The following GALNT17 variants were observed in gnomAD, a reference collection of about 807,000 sequenced individuals.
The protein encoded by GALNT17 is polypeptide N-acetylgalactosaminyltransferase 17.
A neutral mutation model predicts 63.7 loss-of-function variants in GALNT17; 29 were observed. The ratio of observed to expected loss-of-function variants is 0.46; its 90% CI spans 0.34 to 0.62. The LOEUF (loss-of-function observed/expected upper bound fraction) is 0.62. Among genes scored for constraint, GALNT17 ranks in the 20% least tolerant of loss-of-function variants. The pLI is 0.01. For missense variants in GALNT17, 603 were observed against 799.6 expected, an observed-to-expected ratio of 0.75 and a Z score of 2.97; for synonymous variants, 305 against 318.3, an observed-to-expected ratio of 0.96 and a Z score of 0.45.
chr7:71,518,071 G>T (rs1246981121), intron 5 of GALNT17, among the ~76,000 whole-genome samples: 1 of 152,156 alleles, frequency 6.6e-6, no homozygotes, highest in Admixed American at 6.5e-5. Flanking sequence ...CAAGTGAGAG[G>T]AGAAGAAAAA....
intron 9 of GALNT17, among the ~76,000 whole-genome samples, chr7:71,691,795 G>A (rs908101304): frequency 1.8e-4 from 28 of 152,032 alleles, no homozygotes; most frequent in African/African-American, 6.3e-4. Context: ...CCTTGCCCAG[G>A]GATATTAAAT....
At chr7:71,290,942 C>T (rs2115816254) in intron 1 of GALNT17, among the ~76,000 whole-genome samples, 1 of 152,268 alleles carries the variant, frequency 6.6e-6, no homozygotes, top group East Asian at 1.9e-4. Context: ...CTTCTCCGAG[C>T]CTTGGTTTCC....
At chr7:71,485,788 C>T (rs994364464) in intron 5 of GALNT17, among the ~76,000 whole-genome samples, 3 of 152,164 alleles carry the variant, frequency 2.0e-5, no homozygotes, top group African/African-American at 7.2e-5. Flanking sequence ...AGTTGTAATC[C>T]ATCCTCTGAA....
intron 5 of GALNT17, among the ~76,000 whole-genome samples, chr7:71,519,033 A>G (rs1440884885): frequency 6.6e-6 from 1 of 152,128 alleles, no homozygotes; most frequent in African/African-American, 2.4e-5. Flanking sequence ...GCATATTTCC[A>G]TTTTCCAAGT....
intron 5 of GALNT17, among the ~76,000 whole-genome samples, chr7:71,461,563 GT>G (rs1332045747): frequency 2.5e-4 from 38 of 152,334 alleles, no homozygotes; most frequent in African/African-American, 7.9e-4. Flanking sequence ...GAAGGCTGTG[GT>G]TTTCTTTCCT....
At chr7:71,660,077 G>T (rs1268225556) in intron 6 of GALNT17, among the ~76,000 whole-genome samples, 2 of 152,084 alleles carry the variant, frequency 1.3e-5, no homozygotes, top group Admixed American at 6.6e-5. Flanking sequence ...TGACAGCAAG[G>T]ACCTTGTCTA....
chr7:71,665,916 C>T (rs1225941564), intron 7 of GALNT17, among the ~76,000 whole-genome samples: 2 of 152,098 alleles, frequency 1.3e-5, no homozygotes, highest in Admixed American at 6.6e-5. Flanking sequence ...CCAGATACTT[C>T]ACAGCAGACT....
At chr7:71,197,221 A>G (rs1251482367) in intron 1 of GALNT17, among the ~76,000 whole-genome samples, 1 of 115,780 alleles carries the variant, frequency 8.6e-6, no homozygotes, top group African/African-American at 3.4e-5. Flanking sequence ...TTTTTTTGAG[A>G]CAGAGTGTCG....
At chr7:71,209,300 G>A (rs1473885932) in intron 1 of GALNT17, among the ~76,000 whole-genome samples, 1 of 152,148 alleles carries the variant, frequency 6.6e-6, no homozygotes, top group South Asian at 2.1e-4. Context: ...GGGTTGTAGA[G>A]CTGTGATTTA....
chr7:71,458,269 C>A (rs528990865), intron 5 of GALNT17, among the ~76,000 whole-genome samples: 1 of 152,212 alleles, frequency 6.6e-6, no homozygotes, highest in Non-Finnish European at 1.5e-5. Flanking sequence ...ACAACTACAT[C>A]GAAACAGGAG....
intron 1 of GALNT17, among the ~76,000 whole-genome samples, chr7:71,293,976 G>A (rs1006600881): frequency 1.3e-5 from 2 of 152,038 alleles, no homozygotes; most frequent in African/African-American, 2.4e-5. Context: ...TGGCTAACAC[G>A]GTAAAACCCC....
At chr7:71,575,225 G>A (rs1323346824) in intron 6 of GALNT17, among the ~76,000 whole-genome samples, 5 of 152,038 alleles carry the variant, frequency 3.3e-5, no homozygotes, top group Non-Finnish European at 7.4e-5. Context: ...CCCACCGCCT[G>A]AATAAAGAAG....
intron 1 of GALNT17, among the ~76,000 whole-genome samples, chr7:71,187,553 G>C (rs961665318): frequency 2.6e-5 from 4 of 152,030 alleles, no homozygotes; most frequent in East Asian, 3.9e-4. Context: ...AAAAATAAAT[G>C]GTTTCCTAAT....
intron 6 of GALNT17, among the ~76,000 whole-genome samples, chr7:71,638,276 T>A (rs1472215377): frequency 6.6e-6 from 1 of 152,232 alleles, no homozygotes; most frequent in African/African-American, 2.4e-5. Flanking sequence ...AACTGTTTTA[T>A]CTGCAAGGTC....
Position 71,420,975 on chromosome 7 carries a change from A to G in GALNT17, c.832A>G (p.Ile278Val). 6.2e-7 allele frequency: 1 copy of G among 1,614,130 alleles called. No homozygotes were observed. Among genetic ancestry groups the G allele is most frequent in the Non-Finnish European group, 8.5e-7 (1 of 1,180,016 alleles). The change falls in exon 5 of 11, where the codon ATC (isoleucine) becomes GTC (valine). Residue 278 changes from isoleucine to valine, a missense_variant. By Grantham distance (29) the Ile-to-Val change is conservative. Around this residue, in one of 3 missense-constraint regions of GALNT17, gnomAD observed 336 missense variants for 507.8 expected, o/e 0.66. Transcript: ENST00000333538. ...KRVILPSIDN[I>V]KQDNFEVQRY... ...TGTGATCCTCCCCTCCATTGACAAC[A>G]TCAAACAGGACAACTTTGAGGTGCA...
chr7:71,394,084 C>T (rs769957580), intron 3 of GALNT17, among the ~76,000 whole-genome samples: 16 of 152,054 alleles, frequency 1.1e-4, no homozygotes, highest in Admixed American at 4.6e-4. Flanking sequence ...TAATTTATAA[C>T]GGAAAGTAAT....
intron 1 of GALNT17, among the ~76,000 whole-genome samples, chr7:71,243,731 A>C (rs1410107872): frequency 6.6e-6 from 1 of 151,944 alleles, no homozygotes. Flanking sequence ...TCTTGTTCTT[A>C]TTTTCCTTTT....
At chr7:71,175,078 A>G (rs1788611315) in intron 1 of GALNT17, among the ~76,000 whole-genome samples, 1 of 152,062 alleles carries the variant, frequency 6.6e-6, no homozygotes, top group Non-Finnish European at 1.5e-5. Flanking sequence ...TTCTATCTAT[A>G]TCTATCTATC....
At position 71,361,978 on chromosome 7, in the gene GALNT17, A is replaced by T. The variant is rs576966019; in HGVS notation, c.422+26245A>T. Among the ~76,000 whole-genome samples the T allele has an allele frequency of 5.4e-4, 82 of 152,118 alleles. 1 individual carries two copies. The South Asian group carries it at 0.016, about 30-fold the overall frequency. On this transcript the variant is annotated intron_variant, in intron 2 of 10. Coordinates refer to ENST00000333538, the MANE Select transcript of GALNT17 (RefSeq NM_022479.3). ...TTACTTTTTATTTTTATTTTTTGAG[A>T]TGGAGTCTCCCTCAGTTGCCCAGGC...
Sources: gnomAD v4.1 joint callset for allele counts (sites outside exome capture counted in the v4.1 genomes callset) on GRCh38, gnomAD v4.1.1 for gene constraint, gnomAD v4.1.1 regional missense constraint, MANE v1.5 for transcripts, NCBI Gene and HGNC (gene_info 2026-07-23, HGNC 2026-07-21) for gene names.